The following DACH1 variants were observed in gnomAD, a reference collection of about 807,000 sequenced individuals.
The protein encoded by DACH1 is dachshund family transcription factor 1.
A neutral mutation model predicts 54.2 loss-of-function variants in DACH1; 12 were observed. The ratio of observed to expected loss-of-function variants is 0.22; its 90% CI spans 0.14 to 0.36. The LOEUF (loss-of-function observed/expected upper bound fraction) is 0.36. Among genes scored for constraint, DACH1 ranks in the 10% least tolerant of loss-of-function variants. The probability of loss-of-function intolerance (pLI) is 1.00; values close to 1 mark genes in which losing one functional copy is unlikely to be tolerated. For missense variants in DACH1, 805 were observed against 929.8 expected (o/e 0.87, Z 1.75); for synonymous variants, 386 against 366.2 (o/e 1.05, Z -0.62).
intron 1 of DACH1, among the ~76,000 whole-genome samples, chr13:71,692,684 G>A (rs960928570): frequency 2.0e-5 from 3 of 151,246 alleles, no homozygotes; most frequent in Non-Finnish European, 2.9e-5. Flanking sequence ...CACCATGCCC[G>A]GCTAATTTTT....
chr13:71,738,478 T>A (rs1884235037), intron 1 of DACH1, among the ~76,000 whole-genome samples: 1 of 151,928 alleles, frequency 6.6e-6, no homozygotes, highest in African/African-American at 2.4e-5. Flanking sequence ...AAGCCTATAA[T>A]CCCAGCACCT....
chr13:71,452,372 C>A (rs576034853), intron 10 of DACH1, among the ~76,000 whole-genome samples: 60 of 152,198 alleles, frequency 3.9e-4, no homozygotes, highest in African/African-American at 1.3e-3. Flanking sequence ...ATGCGACCTG[C>A]CTGCCTCTGC....
intron 1 of DACH1, among the ~76,000 whole-genome samples, chr13:71,684,549 T>C (rs1881065228): frequency 6.6e-6 from 1 of 152,156 alleles, no homozygotes. Flanking sequence ...TCCTGTTTTA[T>C]CTGACTAAAC....
At chr13:71,718,803 T>C (rs1428571058) in intron 1 of DACH1, among the ~76,000 whole-genome samples, 1 of 152,160 alleles carries the variant, frequency 6.6e-6, no homozygotes, top group Non-Finnish European at 1.5e-5. Flanking sequence ...TTCAAACATA[T>C]TGTTTCTTTT....
At chr13:71,568,452 A>T (rs1885020969) in intron 4 of DACH1, among the ~76,000 whole-genome samples, 1 of 152,068 alleles carries the variant, frequency 6.6e-6, no homozygotes, top group Non-Finnish European at 1.5e-5. Flanking sequence ...AAGATGAAGA[A>T]TAGTCAGAAC....
chr13:71,457,443 T>A (rs2138131120), intron 10 of DACH1, among the ~76,000 whole-genome samples: 1 of 152,090 alleles, frequency 6.6e-6, no homozygotes, highest in Non-Finnish European at 1.5e-5. Context: ...ATGTACATAA[T>A]CTAACACTGT....
intron 1 of DACH1, among the ~76,000 whole-genome samples, chr13:71,780,297 T>C (rs1174237296): frequency 6.6e-6 from 1 of 152,174 alleles, no homozygotes; most frequent in African/African-American, 2.4e-5. Flanking sequence ...CATTGTGCTA[T>C]ATAAATTTAT....
intron 3 of DACH1, among the ~76,000 whole-genome samples, chr13:71,601,329 T>A (rs939481039): frequency 1.3e-5 from 2 of 152,066 alleles, no homozygotes; most frequent in Non-Finnish European, 1.5e-5. Flanking sequence ...AAAAATATAC[T>A]CTTATATTAC....
At chr13:71,519,462 A>G (rs924279031) in intron 6 of DACH1, among the ~76,000 whole-genome samples, 9 of 151,724 alleles carry the variant, frequency 5.9e-5, no homozygotes, top group Non-Finnish European at 1.3e-4. Flanking sequence ...AATTGTTCTT[A>G]GAACTTCTCC....
chr13:71,611,166 T>C (rs1013033732), intron 3 of DACH1, among the ~76,000 whole-genome samples: 50 of 152,292 alleles, frequency 3.3e-4, no homozygotes, highest in African/African-American at 1.1e-3. Flanking sequence ...GACTTTCTCT[T>C]CATCAAGGGA....
At chr13:71,669,597 T>G (rs1299657814) in intron 2 of DACH1, among the ~76,000 whole-genome samples, 2 of 152,172 alleles carry the variant, frequency 1.3e-5, no homozygotes, top group Non-Finnish European at 2.9e-5. Flanking sequence ...AAAAAATGTC[T>G]TCCACAAAAC....
At chr13:71,853,021 C>A (rs985792835) in intron 1 of DACH1, among the ~76,000 whole-genome samples, 1 of 152,094 alleles carries the variant, frequency 6.6e-6, no homozygotes, top group Non-Finnish European at 1.5e-5. Flanking sequence ...ATCTTTTCAT[C>A]CTTGGGGCAA....
chr13:71,649,456 GACA>G (rs745748180), intron 2 of DACH1, among the ~76,000 whole-genome samples: 15 of 152,112 alleles, frequency 9.9e-5, no homozygotes, highest in Non-Finnish European at 2.1e-4. Context: ...AAATGGGGCT[GACA>G]ACAACAACAT....
chr13:71,579,852 C>T (rs1885753763), intron 3 of DACH1, among the ~76,000 whole-genome samples: 1 of 152,062 alleles, frequency 6.6e-6, no homozygotes, highest in Admixed American at 6.6e-5. Flanking sequence ...TTTCTTTGGA[C>T]TCATTAGCAC....
chr13:71,594,970 G>C (rs1361262805), intron 3 of DACH1, among the ~76,000 whole-genome samples: 1 of 152,094 alleles, frequency 6.6e-6, no homozygotes, highest in Non-Finnish European at 1.5e-5. Context: ...ATTGTGTTAA[G>C]GGCTGTGGAG....
intron 10 of DACH1, among the ~76,000 whole-genome samples, chr13:71,458,724 T>C (rs1350100126): frequency 6.6e-6 from 1 of 151,932 alleles, no homozygotes; most frequent in Non-Finnish European, 1.5e-5. Context: ...TTTTGATTCA[T>C]TAAAATTGTT....
chr13:71,620,075 TGATAA>T (rs1335914609), intron 3 of DACH1, among the ~76,000 whole-genome samples: 1 of 151,948 alleles, frequency 6.6e-6, no homozygotes, highest in Non-Finnish European at 1.5e-5. Flanking sequence ...TTGACCACCT[TGATAA>T]GATGTTTAAC....
rs188022034 is a variant in DACH1, at chr13:71,710,929, A to G, written c.849-29019T>C. Reference sequence around the variant, plus strand: ...TAGAAAAATTAAATATTACTTAACCAATTCATATTACAGCTGTTTAGTTCA... The same window carrying G: ...TAGAAAAATTAAATATTACTTAACCGATTCATATTACAGCTGTTTAGTTCA... On this transcript the variant is annotated intron_variant, in intron 1 of 10. Transcript: ENST00000613252. 2.3e-3 allele frequency among the ~76,000 whole-genome samples: 345 copies of G among 152,296 alleles called. 1 individual carries two copies. Among genetic ancestry groups the G allele is most frequent in the Non-Finnish European group, 2.2e-3 (153 of 68,020 alleles).
At chr13:71,680,559 G>C (rs1287287206) in intron 2 of DACH1, among the ~76,000 whole-genome samples, 1 of 152,214 alleles carries the variant, frequency 6.6e-6, no homozygotes, top group African/African-American at 2.4e-5. Context: ...AGCCACGACT[G>C]AGCGACTGCA....
Sources: allele counts gnomAD v4.1 joint callset (sites outside exome capture counted in the v4.1 genomes callset), GRCh38; gene constraint gnomAD v4.1.1; transcripts MANE v1.5; gene names NCBI Gene and HGNC (gene_info 2026-07-23, HGNC 2026-07-21).